Variants in NKAIN3 observed in about 807,000 individuals in gnomAD.
NKAIN3 encodes sodium/potassium transporting ATPase interacting 3.
A neutral mutation model predicts 30.2 loss-of-function variants in NKAIN3; 25 were observed. That is an observed-to-expected ratio of 0.83 (90% CI 0.60 to 1.16). The LOEUF is 1.16. Ranked by LOEUF, NKAIN3 falls within the 50% of genes most tolerant of loss-of-function variation. The pLI is 0.00. For missense variants in NKAIN3, 225 were observed against 254.1 expected (o/e 0.89, Z 0.78); for synonymous variants, 91 against 89.6 (o/e 1.02, Z -0.09).
rs74885606 is a variant in NKAIN3, at chr8:62,438,378, T to C, written c.55-141161T>C. On this transcript the variant is annotated intron_variant, in intron 1 of 6. Coordinates refer to ENST00000623646, the MANE Select transcript of NKAIN3 (RefSeq NM_001304533.3). ...ATCAAATGCCACCGGTATTCACAAATAGGGTGACATTTGTGTTGTGCCTGA... is the reference window on the plus strand; with the variant it reads ...ATCAAATGCCACCGGTATTCACAAACAGGGTGACATTTGTGTTGTGCCTGA... Among the ~76,000 whole-genome samples, 1,307 of 152,280 alleles carry C rather than the reference T, an allele frequency of 8.6e-3. 10 individuals are homozygous for C. Among genetic ancestry groups the C allele is most frequent in the Middle Eastern group, 0.017 (5 of 294 alleles).
At chr8:62,958,043 T>C (rs1204332946) in intron 6 of NKAIN3, among the ~76,000 whole-genome samples, 2 of 152,034 alleles carry the variant, frequency 1.3e-5, no homozygotes, top group Non-Finnish European at 2.9e-5. Context: ...ATTAAGTCTT[T>C]AAGGGGAAAA....
chr8:62,728,396 C>G (rs1214225102), intron 3 of NKAIN3, among the ~76,000 whole-genome samples: 2 of 152,328 alleles, frequency 1.3e-5, no homozygotes, highest in East Asian at 3.9e-4. Context: ...GGTGCGGTGG[C>G]TCACACCTGT....
At chr8:62,530,945 C>T (rs1214264209) in intron 1 of NKAIN3, among the ~76,000 whole-genome samples, 1 of 152,068 alleles carries the variant, frequency 6.6e-6, no homozygotes, top group African/African-American at 2.4e-5. Flanking sequence ...GTGCCTGGCC[C>T]ACTTCCTGGT....
rs190591112 is a variant in NKAIN3 at position 62,410,313 on chromosome 8, T to C, written c.54+161186T>C. Among the ~76,000 whole-genome samples, 12 of 152,352 alleles carry C rather than the reference T, an allele frequency of 7.9e-5. No individual in the cohort carries two copies. The East Asian group carries it at 2.1e-3, about 27-fold the overall frequency. ...TTATTATTTTTTTGTGGCTGTGTAG[T>C]ATTCCATGGTGTGTATATGTAACAT... is the stretch of plus-strand genomic sequence containing the variant. On this transcript the variant is annotated intron_variant, in intron 1 of 6. Coordinates refer to ENST00000623646, the MANE Select transcript of NKAIN3 (RefSeq NM_001304533.3).
chr8:62,719,046 A>G (rs1814998545), intron 3 of NKAIN3, among the ~76,000 whole-genome samples: 1 of 152,220 alleles, frequency 6.6e-6, no homozygotes, highest in South Asian at 2.1e-4. Flanking sequence ...CAGTGTGGAA[A>G]GGTCCAAAGA....
Position 62,747,146 on chromosome 8 carries a change from T to G in NKAIN3, c.471+17T>G, listed in dbSNP as rs1162785315. 5 of 1,532,512 alleles carry G rather than the reference T, an allele frequency of 3.3e-6. No homozygotes were observed. Among genetic ancestry groups the G allele is most frequent in the Middle Eastern group, 3.4e-4 (2 of 5,856 alleles). 94.9% of individuals were successfully genotyped at this position (1,532,512 alleles called of 1,614,324 possible). A position where few individuals can be genotyped will look rare whatever the true frequency, so the allele number is the denominator to read the frequency against. On this transcript the variant is annotated intron_variant, in intron 4 of 6. Transcript: ENST00000623646. ...CTACTCTCTGTAAGTGTCACTTTTG[T>G]GTCATTATCTAATCAGAACTCTTCT...
chr8:62,612,119 CT>C (rs1321516503), intron 3 of NKAIN3, among the ~76,000 whole-genome samples: 2 of 151,870 alleles, frequency 1.3e-5, no homozygotes, highest in Non-Finnish European at 2.9e-5. Context: ...AATATTTTGC[CT>C]ATTTTTTGAT....
chr8:62,456,301 C>A (rs1316744842), intron 1 of NKAIN3, among the ~76,000 whole-genome samples: 1 of 152,134 alleles, frequency 6.6e-6, no homozygotes, highest in Non-Finnish European at 1.5e-5. Flanking sequence ...GTGGGCGGAT[C>A]ACGAGGTCAG....
intron 4 of NKAIN3, among the ~76,000 whole-genome samples, chr8:62,762,062 T>A (rs1207460870): frequency 6.6e-6 from 1 of 152,218 alleles, no homozygotes; most frequent in Non-Finnish European, 1.5e-5. Flanking sequence ...ACGCCTGTAA[T>A]CCCAGCACTT....
intron 3 of NKAIN3, among the ~76,000 whole-genome samples, chr8:62,718,595 G>A (rs1814982093): frequency 6.6e-6 from 1 of 152,004 alleles, no homozygotes; most frequent in Non-Finnish European, 1.5e-5. Context: ...TTCAATTGTG[G>A]TAAAACCATT....
intron 4 of NKAIN3, among the ~76,000 whole-genome samples, chr8:62,801,273 C>T (rs1455926119): frequency 6.6e-6 from 1 of 152,170 alleles, no homozygotes; most frequent in East Asian, 1.9e-4. Flanking sequence ...AGTGGTTCTC[C>T]CAGCACGCAG....
At chr8:62,684,395 C>A (rs1460158461) in intron 3 of NKAIN3, among the ~76,000 whole-genome samples, 1 of 152,128 alleles carries the variant, frequency 6.6e-6, no homozygotes, top group Non-Finnish European at 1.5e-5. Flanking sequence ...CCTTCCACAC[C>A]CTAACAAAGT....
intron 1 of NKAIN3, among the ~76,000 whole-genome samples, chr8:62,492,246 T>G (rs1231599126): frequency 6.6e-6 from 1 of 152,172 alleles, no homozygotes; most frequent in East Asian, 1.9e-4. Context: ...GCACAGTTTC[T>G]TTTCTCCACA....
chr8:62,719,445 C>A (rs903940920), intron 3 of NKAIN3, among the ~76,000 whole-genome samples: 2 of 152,180 alleles, frequency 1.3e-5, no homozygotes, highest in African/African-American at 4.8e-5. Flanking sequence ...TTTCTTGATG[C>A]TAAATTTGTG....
At chr8:62,699,497 A>G (rs542916711) in intron 3 of NKAIN3, among the ~76,000 whole-genome samples, 3 of 152,314 alleles carry the variant, frequency 2.0e-5, no homozygotes, top group Non-Finnish European at 4.4e-5. Flanking sequence ...AATTGGACAA[A>G]CTTGCATATT....
At chr8:62,492,304 G>A (rs903817652) in intron 1 of NKAIN3, among the ~76,000 whole-genome samples, 4 of 152,002 alleles carry the variant, frequency 2.6e-5, no homozygotes, top group African/African-American at 9.7e-5. Context: ...TGGAATTTGG[G>A]AACACTTGGT....
At chr8:62,745,374 G>C (rs921619496) in intron 3 of NKAIN3, among the ~76,000 whole-genome samples, 4 of 152,300 alleles carry the variant, frequency 2.6e-5, no homozygotes, top group Middle Eastern at 6.8e-3. Context: ...AGAGCTCACT[G>C]TTGGAGGGAG....
At chr8:62,816,845 T>G (rs924994804) in intron 4 of NKAIN3, among the ~76,000 whole-genome samples, 3 of 152,102 alleles carry the variant, frequency 2.0e-5, no homozygotes, top group Non-Finnish European at 4.4e-5. Context: ...GTGTCAGAAA[T>G]CCCACAGAAT....
chr8:62,282,901 T>G (rs1338375354), intron 1 of NKAIN3, among the ~76,000 whole-genome samples: 1 of 152,172 alleles, frequency 6.6e-6, no homozygotes, highest in Non-Finnish European at 1.5e-5. Flanking sequence ...TCCTCATTAC[T>G]GTACTATGTA....
Sources: allele counts gnomAD v4.1 joint callset (sites outside exome capture counted in the v4.1 genomes callset), GRCh38; gene constraint gnomAD v4.1.1; transcripts MANE v1.5; gene names NCBI Gene and HGNC (gene_info 2026-07-23, HGNC 2026-07-21).